Variants in SLC35B4 observed in about 807,000 individuals in gnomAD.
SLC35B4 encodes the protein solute carrier family 35 member B4.
SLC35B4 carries 28 observed loss-of-function variants against 39.5 expected under a neutral mutation model. That is an observed-to-expected ratio of 0.71 (90% CI 0.53 to 0.97). The LOEUF is 0.97. SLC35B4 is among the 50% of genes least tolerant of loss of function. The pLI is 0.00. For synonymous variants in SLC35B4, 145 were observed against 150.4 expected, an observed-to-expected ratio of 0.96 and a Z score of 0.26; for missense variants, 334 against 414.3, an observed-to-expected ratio of 0.81 and a Z score of 1.68.
intron 2 of SLC35B4, among the ~76,000 whole-genome samples, chr7:134,307,085 T>A (rs959196258): frequency 6.6e-6 from 1 of 152,220 alleles, no homozygotes; most frequent in Non-Finnish European, 1.5e-5. Context: ...TCTGAAGAAC[T>A]TGAAAATGGC....
rs1803425109 is a variant in SLC35B4, at chr7:134,294,929, G to A, written c.900C>T (p.Thr300=). 1.9e-6 allele frequency: 3 copies of A among 1,614,050 alleles called. No homozygotes were observed. The highest frequency in any genetic ancestry group is 1.3e-5 in the African/African-American group (1 of 74,906). Residue 300 remains threonine, a synonymous_variant, in exon 10 of 10, where the codon ACC becomes ACT. Coordinates refer to ENST00000378509, the MANE Select transcript of SLC35B4 (RefSeq NM_032826.5). The stretch of plus-strand genomic sequence containing the variant: ...TTAAGGTCCCAATGAAGACAAACAA[G>A]GTGCCCAGCCAGTGCCACAGGGTGA... ...NPFTLWHWLG[T]LFVFIGTLMY...
rs539551525 is a variant in SLC35B4 at position 134,294,767 on chromosome 7, C to A, written c.*66G>T. 8 of 1,579,368 alleles carry A rather than the reference C, an allele frequency of 5.1e-6. No homozygotes were observed. Among genetic ancestry groups the A allele is most frequent in the Non-Finnish European group, 6.9e-6 (8 of 1,159,368 alleles). ...TAGCTCGGCATTAACAAAAGCGAAA[C>A]GGTGGTCAGACCTTCACAGGGTCCC... On this transcript the variant is annotated 3_prime_UTR_variant, in exon 10 of 10. Coordinates refer to ENST00000378509, the MANE Select transcript of SLC35B4 (RefSeq NM_032826.5).
chr7:134,314,024 G>A (rs1024311726), intron 1 of SLC35B4, among the ~76,000 whole-genome samples: 7 of 145,218 alleles, frequency 4.8e-5, no homozygotes, highest in Non-Finnish European at 1.1e-4. Context: ...TGCAAAAAAT[G>A]CAGATTTACA....
intron 6 of SLC35B4, among the ~76,000 whole-genome samples, chr7:134,300,892 T>A (rs989721506): frequency 6.7e-6 from 1 of 149,724 alleles, no homozygotes; most frequent in Non-Finnish European, 1.5e-5. Flanking sequence ...ATCTTGCCAG[T>A]ATGATAGGCC....
chr7:134,302,673 T>C (rs1803611954), intron 4 of SLC35B4, among the ~76,000 whole-genome samples: 1 of 152,214 alleles, frequency 6.6e-6, no homozygotes, highest in Non-Finnish European at 1.5e-5. Context: ...ATTCAGATTA[T>C]AGAACTATGG....
At chr7:134,298,492 T>C (rs572905355) in intron 8 of SLC35B4, among the ~76,000 whole-genome samples, 32 of 152,342 alleles carry the variant, frequency 2.1e-4, no homozygotes, top group African/African-American at 6.3e-4. Flanking sequence ...CATAAATACC[T>C]AGCCCTGTGA....
At chr7:134,312,099 G>T (rs1001807708) in intron 1 of SLC35B4, among the ~76,000 whole-genome samples, 1 of 152,042 alleles carries the variant, frequency 6.6e-6, no homozygotes, top group African/African-American at 2.4e-5. Flanking sequence ...TTAACACAGC[G>T]CCTGCCACAG....
chr7:134,319,918 ACTT>A (rs949798514), upstream of SLC35B4, among the ~76,000 whole-genome samples: 3 of 151,890 alleles, frequency 2.0e-5, no homozygotes, highest in African/African-American at 4.8e-5. Flanking sequence ...ATTGACATCC[ACTT>A]CTTCTCCCGT....
rs150005553 is a variant in SLC35B4, at chr7:134,292,256, AT to A, written c.*2576del. On this transcript the variant is annotated 3_prime_UTR_variant, in exon 10 of 10. Transcript: ENST00000378509. ...AAAATCAGTTAACCAAGGGGAACGT[AT>A]TTTTTTTTTAAAGAGTAGTTTTAAA... 41 of 151,556 alleles carry A rather than the reference AT, an allele frequency of 2.7e-4. No homozygotes were observed. Among genetic ancestry groups the A allele is most frequent in the South Asian group, 1.7e-3 (8 of 4,778 alleles). 9.4% of individuals were successfully genotyped at this position (151,556 alleles called of 1,614,324 possible).
rs576490202 is a variant in SLC35B4 at position 134,306,854 on chromosome 7, C to T, written c.192-80G>A. On this transcript the variant is annotated intron_variant, in intron 2 of 9. Transcript: ENST00000378509. Reference sequence around the variant, plus strand: ...AAGTATAGGAAATATATATTTTTGGCTAAAAAGGCATTTTGCCTGTTTCCT... The same window carrying T: ...AAGTATAGGAAATATATATTTTTGGTTAAAAAGGCATTTTGCCTGTTTCCT... The T allele has an allele frequency of 1.2e-5, 15 of 1,237,926 alleles. No homozygotes were observed. In the East Asian group the frequency reaches 3.7e-4, roughly 30 times the overall value. 76.7% of individuals were successfully genotyped at this position (1,237,926 alleles called of 1,614,324 possible). A position where few individuals can be genotyped will look rare whatever the true frequency, so the allele number is the denominator to read the frequency against.
chr7:134,304,150 T>G (rs1446034511), intron 4 of SLC35B4, among the ~76,000 whole-genome samples: 2 of 152,170 alleles, frequency 1.3e-5, no homozygotes, highest in Admixed American at 1.3e-4. Flanking sequence ...ACCAGCTCTG[T>G]GAGTCTACTG....
intron 4 of SLC35B4, among the ~76,000 whole-genome samples, chr7:134,302,593 G>GT (rs898359006): frequency 1.1e-4 from 16 of 151,952 alleles, no homozygotes; most frequent in Admixed American, 6.6e-4. Context: ...GGGGAGGCTT[G>GT]TTTTTTTTAA....
At chr7:134,305,368 A>G (rs1803683461) in intron 3 of SLC35B4, among the ~76,000 whole-genome samples, 1 of 151,542 alleles carries the variant, frequency 6.6e-6, no homozygotes, top group African/African-American at 2.4e-5. Flanking sequence ...AACCTTTTAA[A>G]GATGACAATG....
chr7:134,309,901 A>G (rs967714966), intron 1 of SLC35B4, among the ~76,000 whole-genome samples: 3 of 152,220 alleles, frequency 2.0e-5, no homozygotes, highest in African/African-American at 7.2e-5. Context: ...GAATGTTTAT[A>G]TATCCCTCCT....
intron 8 of SLC35B4, among the ~76,000 whole-genome samples, chr7:134,298,560 T>A (rs1803517439): frequency 6.6e-6 from 1 of 152,234 alleles, no homozygotes; most frequent in Non-Finnish European, 1.5e-5. Flanking sequence ...ACAACATTTT[T>A]ATTTCAATAG....
At chr7:134,305,671 C>A (rs544373618) in intron 3 of SLC35B4, among the ~76,000 whole-genome samples, 1 of 152,000 alleles carries the variant, frequency 6.6e-6, no homozygotes, top group Non-Finnish European at 1.5e-5. Context: ...CTACCCCCGA[C>A]CAGTTTTTTC....
intron 4 of SLC35B4, among the ~76,000 whole-genome samples, chr7:134,303,685 A>T (rs1252971095): frequency 2.6e-5 from 4 of 152,118 alleles, no homozygotes; most frequent in African/African-American, 9.7e-5. Context: ...ATGTATAGAG[A>T]GCTTGGGGCT....
chr7:134,295,416 G>A (rs1803441209), intron 9 of SLC35B4, among the ~76,000 whole-genome samples: 1 of 151,956 alleles, frequency 6.6e-6, no homozygotes, highest in African/African-American at 2.4e-5. Context: ...CTTGCCTCCA[G>A]CCCTTCTATC....
intron 1 of SLC35B4, among the ~76,000 whole-genome samples, chr7:134,315,655 A>C (rs935294516): frequency 6.6e-6 from 1 of 151,840 alleles, no homozygotes; most frequent in Non-Finnish European, 1.5e-5. Context: ...AAAAAAAACA[A>C]AAAACAAAAA....
Sources: allele counts gnomAD v4.1 joint callset (sites outside exome capture counted in the v4.1 genomes callset), GRCh38; gene constraint gnomAD v4.1.1; transcripts MANE v1.5; gene names NCBI Gene and HGNC (gene_info 2026-07-23, HGNC 2026-07-21).